Variants in EGFLAM observed in about 807,000 individuals in gnomAD.
The protein encoded by EGFLAM is pikachurin.
A neutral mutation model predicts 113.1 loss-of-function variants in EGFLAM; 79 were observed. That is an observed-to-expected ratio of 0.70 (90% CI 0.58 to 0.84). The LOEUF is 0.84. Ranked by LOEUF, EGFLAM falls within the 40% of genes least tolerant of loss-of-function variation. The pLI is 0.00. For synonymous variants in EGFLAM, 504 were observed against 487.6 expected, an observed-to-expected ratio of 1.03 and a Z score of -0.44; for missense variants, 1,265 against 1,291.6, an observed-to-expected ratio of 0.98 and a Z score of 0.32.
chr5:38,444,602 T>C (rs1440755058), intron 17 of EGFLAM, among the ~76,000 whole-genome samples: 3 of 152,162 alleles, frequency 2.0e-5, no homozygotes, highest in Non-Finnish European at 4.4e-5. Context: ...AATTAAATTT[T>C]TTTCAATAAA....
intron 1 of EGFLAM, among the ~76,000 whole-genome samples, chr5:38,303,576 C>T (rs1758649373): frequency 1.3e-5 from 2 of 152,176 alleles, no homozygotes; most frequent in Admixed American, 6.5e-5. Context: ...CTGTGGATCA[C>T]TCACTCTTCT....
intron 6 of EGFLAM, among the ~76,000 whole-genome samples, chr5:38,389,390 A>C (rs1740752953): frequency 6.6e-6 from 1 of 152,188 alleles, no homozygotes; most frequent in South Asian, 2.1e-4. Context: ...CTCTCTCTGA[A>C]GGTAGTAAAA....
intron 5 of EGFLAM, among the ~76,000 whole-genome samples, chr5:38,360,488 T>A (rs77197754): frequency 0.044 from 6,767 of 152,220 alleles, 162 homozygotes; most frequent in East Asian, 0.084. Flanking sequence ...TATCAAGACG[T>A]AGGGGAGGCA....
intron 3 of EGFLAM, among the ~76,000 whole-genome samples, chr5:38,347,304 G>T (rs1205338994): frequency 6.6e-6 from 1 of 152,168 alleles, no homozygotes; most frequent in Non-Finnish European, 1.5e-5. Context: ...TTGAGCATTT[G>T]CTAGATGTCT....
intron 12 of EGFLAM, among the ~76,000 whole-genome samples, chr5:38,423,653 G>T (rs1321394124): frequency 6.6e-6 from 1 of 152,176 alleles, no homozygotes; most frequent in Non-Finnish European, 1.5e-5. Flanking sequence ...TGTGGAGGCT[G>T]TGAATGCTGG....
rs1742046818 is a variant in EGFLAM at position 38,427,271 on chromosome 5, T to G, written c.2054+19T>G. The G allele has an allele frequency of 6.2e-7, 1 of 1,608,116 alleles. No individual in the cohort carries two copies. The highest frequency in any genetic ancestry group is 1.7e-5 in the Admixed American group (1 of 59,130). ...TCCTCAGGTGAGGGCTGAAAACTTC[T>G]GGGACTCTTTCCCTTAAAAAGGCAA... On this transcript the variant is annotated intron_variant, in intron 14 of 21. Transcript: ENST00000322350.
chr5:38,422,409 G>A (rs1052529234), intron 12 of EGFLAM, among the ~76,000 whole-genome samples: 4 of 152,214 alleles, frequency 2.6e-5, no homozygotes, highest in Middle Eastern at 3.4e-3. Flanking sequence ...GGCCCTCGCC[G>A]CCAGGTTCTC....
chr5:38,261,117 C>A (rs537534940), intron 1 of EGFLAM, among the ~76,000 whole-genome samples: 1 of 152,250 alleles, frequency 6.6e-6, no homozygotes, highest in African/African-American at 2.4e-5. Context: ...TTGGAGAAGT[C>A]TTGGATTCAA....
chr5:38,423,070 C>T (rs1211483490), intron 12 of EGFLAM, among the ~76,000 whole-genome samples: 1 of 152,148 alleles, frequency 6.6e-6, no homozygotes, highest in East Asian at 1.9e-4. Context: ...GACTTAAATC[C>T]AACCAAAGCA....
intron 1 of EGFLAM, among the ~76,000 whole-genome samples, chr5:38,304,667 GT>G (rs1486732902): frequency 6.6e-6 from 1 of 152,176 alleles, no homozygotes; most frequent in Non-Finnish European, 1.5e-5. Context: ...TTTACAATGA[GT>G]TTTTTATTCA....
intron 17 of EGFLAM, among the ~76,000 whole-genome samples, chr5:38,445,982 G>A (rs1178101852): frequency 6.6e-6 from 1 of 151,996 alleles, no homozygotes; most frequent in Non-Finnish European, 1.5e-5. Flanking sequence ...GGGAAAGATG[G>A]CTGTTGGCCA....
At chr5:38,463,100 C>A in intron 21 of EGFLAM, 89 bp downstream of exon 21, 1 of 1,292,524 alleles carries the variant, frequency 7.7e-7, no homozygotes, top group Non-Finnish European at 1.1e-6. Context: ...ATGTACTTTG[C>A]TGGATCAAAT....
intron 11 of EGFLAM, among the ~76,000 whole-genome samples, chr5:38,417,513 TATTC>T (rs1357996719): frequency 5.9e-5 from 9 of 152,164 alleles, no homozygotes; most frequent in African/African-American, 2.2e-4. Flanking sequence ...AAAGAAGTCA[TATTC>T]ATAAGCAAAT....
At chr5:38,337,426 C>A in intron 1 of EGFLAM, 94 bp from the exon 2 acceptor site, 1 of 1,121,172 alleles carries the variant, frequency 8.9e-7, no homozygotes, top group East Asian at 2.7e-5. Context: ...GTATGCTTTT[C>A]ATCTGTTAGA....
chr5:38,287,359 T>C (rs183821684), intron 1 of EGFLAM, among the ~76,000 whole-genome samples: 7 of 152,328 alleles, frequency 4.6e-5, no homozygotes, highest in African/African-American at 1.7e-4. Flanking sequence ...GTAGGTTCAA[T>C]GCAGCCCTCC....
Position 38,416,056 on chromosome 5 carries a change from GTTT to G in EGFLAM, c.1495-2002_1495-2000del, listed in dbSNP as rs57387334. Among the ~76,000 whole-genome samples, 79 of 150,914 alleles carry G rather than the reference GTTT, an allele frequency of 5.2e-4. 1 individual carries two copies. The highest frequency in any genetic ancestry group is 1.6e-3 in the African/African-American group (68 of 41,250). On this transcript the variant is annotated intron_variant, in intron 11 of 21. Coordinates refer to ENST00000322350, the MANE Select transcript of EGFLAM (RefSeq NM_152403.4). The stretch of plus-strand genomic sequence containing the variant: ...AGACACAGCCAAGCCATATCATCAT[GTTT>G]TTTTTTTAAAAAAATAAGTAATTGC...
At chr5:38,348,344 AG>A (rs886706512) in intron 3 of EGFLAM, among the ~76,000 whole-genome samples, 28 of 152,290 alleles carry the variant, frequency 1.8e-4, no homozygotes, top group African/African-American at 6.5e-4. Context: ...AGATGGTGAC[AG>A]GGCGAAATCC....
chr5:38,270,146 T>A (rs574504746), intron 1 of EGFLAM, among the ~76,000 whole-genome samples: 1 of 152,316 alleles, frequency 6.6e-6, no homozygotes, highest in East Asian at 1.9e-4. Context: ...CACTGGTTGG[T>A]ATGTGGGGAA....
Position 38,309,703 on chromosome 5 carries a change from C to T in EGFLAM, c.98-27817C>T, listed in dbSNP as rs16903932. 9.1e-3 allele frequency among the ~76,000 whole-genome samples: 1,385 copies of T among 152,324 alleles called. 25 individuals are homozygous for T. Among genetic ancestry groups the T allele is most frequent in the African/African-American group, 0.032 (1,322 of 41,564 alleles). The stretch of plus-strand genomic sequence containing the variant: ...TACCGTAAAGCATACATGAAGGTTG[C>T]AGCTCCCCGTGTGGCTGGTGTCTGA... On this transcript the variant is annotated intron_variant, in intron 1 of 21. Transcript: ENST00000322350.
Sources: allele counts gnomAD v4.1 joint callset (sites outside exome capture counted in the v4.1 genomes callset), GRCh38; gene constraint gnomAD v4.1.1; transcripts MANE v1.5; gene names NCBI Gene and HGNC (gene_info 2026-07-23, HGNC 2026-07-21).